ENTREP2: variants seen among roughly 807,000 people sequenced by gnomAD.
ENTREP2 encodes the protein endosomal transmembrane epsin interactor 2.
chr15:29,534,714 G>A, the ENTREP2 span, among the ~76,000 whole-genome samples: 20 of 152,280 alleles, frequency 1.3e-4, no homozygotes, highest in African/African-American at 4.8e-4. Context: ...CCAGGGCGAG[G>A]CATCATGGAA....
At chr15:29,502,600 C>A in the ENTREP2 span, among the ~76,000 whole-genome samples, 1 of 151,682 alleles carries the variant, frequency 6.6e-6, no homozygotes, top group Non-Finnish European at 1.5e-5. Context: ...TGAACCTCAT[C>A]GATATTTAAA....
the ENTREP2 span, among the ~76,000 whole-genome samples, chr15:29,332,607 C>T: frequency 4.3e-4 from 65 of 152,240 alleles, no homozygotes; most frequent in Non-Finnish European, 5.9e-4. Flanking sequence ...GACAATAGTG[C>T]CCAATGCATC....
the ENTREP2 span, among the ~76,000 whole-genome samples, chr15:29,427,762 A>G: frequency 4.6e-5 from 7 of 152,230 alleles, no homozygotes; most frequent in Non-Finnish European, 1.0e-4. Flanking sequence ...ATGTAAAGTA[A>G]TACATTCATA....
At chr15:29,384,782 C>T in the ENTREP2 span, among the ~76,000 whole-genome samples, 2 of 152,112 alleles carry the variant, frequency 1.3e-5, no homozygotes, top group South Asian at 4.2e-4. Context: ...GCCTCAGCCC[C>T]CGACTCTTCT....
the ENTREP2 span, among the ~76,000 whole-genome samples, chr15:29,174,957 C>A: frequency 6.6e-6 from 1 of 152,158 alleles, no homozygotes; most frequent in Non-Finnish European, 1.5e-5. Flanking sequence ...TTTCAAAGAA[C>A]CTTTTACAAA....
chr15:29,255,735 C>T, the ENTREP2 span, among the ~76,000 whole-genome samples: 2 of 152,064 alleles, frequency 1.3e-5, no homozygotes, highest in African/African-American at 4.8e-5. Flanking sequence ...GGCGCGGTGG[C>T]TCATGCCTGT....
chr15:29,657,258 A>C, the ENTREP2 span, among the ~76,000 whole-genome samples: 4 of 149,778 alleles, frequency 2.7e-5, no homozygotes, highest in African/African-American at 9.9e-5. Flanking sequence ...ACAGGGTTTC[A>C]CCGTATTAGC....
the ENTREP2 span, among the ~76,000 whole-genome samples, chr15:29,632,297 C>CT: frequency 6.6e-6 from 1 of 152,130 alleles, no homozygotes; most frequent in Admixed American, 6.5e-5. Flanking sequence ...TTTAGTTTTA[C>CT]TTAACAAAAA....
At chr15:29,605,548 G>C in the ENTREP2 span, among the ~76,000 whole-genome samples, 1 of 152,092 alleles carries the variant, frequency 6.6e-6, no homozygotes, top group African/African-American at 2.4e-5. Flanking sequence ...ATAAAATGTG[G>C]ATTCAGGGCA....
the ENTREP2 span, among the ~76,000 whole-genome samples, chr15:29,482,751 T>A: frequency 6.6e-6 from 1 of 152,248 alleles, no homozygotes; most frequent in Non-Finnish European, 1.5e-5. Flanking sequence ...CAGAAGGACA[T>A]TTCCACTGCT....
the ENTREP2 span, among the ~76,000 whole-genome samples, chr15:29,643,812 AGACTT>A: frequency 6.6e-6 from 1 of 151,906 alleles, no homozygotes; most frequent in Non-Finnish European, 1.5e-5. Flanking sequence ...AGAAAGAAAA[AGACTT>A]GAAGGAATTG....
the ENTREP2 span, among the ~76,000 whole-genome samples, chr15:29,558,941 AATC>A: frequency 1.3e-5 from 2 of 151,984 alleles, no homozygotes; most frequent in African/African-American, 2.4e-5. Context: ...AAGATGTATT[AATC>A]ATCTATTTAC....
At chr15:29,444,226 G>GAAAGAAAGA in the ENTREP2 span, among the ~76,000 whole-genome samples, 10 of 148,654 alleles carry the variant, frequency 6.7e-5, no homozygotes, top group African/African-American at 2.5e-4. Context: ...AAGAAAGAAA[G>GAAAGAAAGA]AAAGAAAGAA....
At chr15:29,478,294 T>G in the ENTREP2 span, among the ~76,000 whole-genome samples, 10 of 152,078 alleles carry the variant, frequency 6.6e-5, no homozygotes, top group East Asian at 2.0e-3. Flanking sequence ...CCCAAAGTGC[T>G]GGGATTATAG....
chr15:29,380,848 CTT>C, the ENTREP2 span, among the ~76,000 whole-genome samples: 898 of 127,456 alleles, frequency 7.0e-3, 5 homozygotes, highest in African/African-American at 0.023. Context: ...TGCATCCACA[CTT>C]TTTTTTTTTT....
the ENTREP2 span, among the ~76,000 whole-genome samples, chr15:29,146,016 A>G: frequency 6.6e-6 from 1 of 152,242 alleles, no homozygotes; most frequent in Admixed American, 6.5e-5. Flanking sequence ...TATATTAGCA[A>G]TGAATGATCT....
the ENTREP2 span, among the ~76,000 whole-genome samples, chr15:29,657,483 C>CGGGGGGGGGGGGGGGGGGGGGGGG: frequency 1.4e-5 from 1 of 69,382 alleles, no homozygotes; most frequent in Non-Finnish European, 2.8e-5. Flanking sequence ...GCTGGGGGGG[C>CGGGGGGGGGGGGGGGGGGGGGGGG]GGGGGGGGGG....
chr15:29,416,971 C>T, the ENTREP2 span, among the ~76,000 whole-genome samples: 50 of 152,182 alleles, frequency 3.3e-4, 1 homozygote, highest in African/African-American at 9.9e-4. Flanking sequence ...GTTAGGATGG[C>T]GATCATTAAA....
chr15:29,267,656 G>A, the ENTREP2 span: 5 of 152,174 alleles, frequency 3.3e-5, no homozygotes, highest in African/African-American at 1.2e-4. Context: ...ATACAATAGA[G>A]TGAGACTAGA....
Sources: gnomAD v4.1 joint callset for allele counts (sites outside exome capture counted in the v4.1 genomes callset) on GRCh38, gnomAD v4.1.1 for gene constraint, MANE v1.5 for transcripts, NCBI Gene and HGNC (gene_info 2026-07-23, HGNC 2026-07-21) for gene names.